KATNAL1: variants seen among roughly 807,000 people sequenced by gnomAD.
KATNAL1 encodes katanin p60 ATPase-containing subunit A-like 1.
A neutral mutation model predicts 55.2 loss-of-function variants in KATNAL1; 32 were observed. The ratio of observed to expected loss-of-function variants is 0.58; its 90% CI spans 0.44 to 0.78. The LOEUF is 0.78. Ranked by LOEUF, KATNAL1 falls within the 30% of genes least tolerant of loss-of-function variation. KATNAL1 has a pLI of 0.00. For synonymous variants in KATNAL1, 193 were observed against 193.6 expected (o/e 1.00, Z 0.02); for missense variants, 466 against 600.9 (o/e 0.78, Z 2.35).
chr13:30,242,187 A>G (rs7331974), intron 4 of KATNAL1, among the ~76,000 whole-genome samples: 1,540 of 152,314 alleles, frequency 0.01, 24 homozygotes, highest in African/African-American at 0.034. Context: ...CGTATCAACG[A>G]AAGAATACAA....
At chr13:30,279,942 A>G in intron 3 of KATNAL1, 121 bp downstream of exon 3, 1 of 809,196 alleles carries the variant, frequency 1.2e-6, no homozygotes. Context: ...TGTGAATATT[A>G]AAAACAGATA....
chr13:30,219,575 C>T (rs1874643330), intron 9 of KATNAL1, among the ~76,000 whole-genome samples: 2 of 152,166 alleles, frequency 1.3e-5, no homozygotes, highest in Non-Finnish European at 2.9e-5. Flanking sequence ...TTTATATTCC[C>T]ACAGTTCCTA....
At chr13:30,252,882 G>A (rs1025631509) in intron 4 of KATNAL1, among the ~76,000 whole-genome samples, 1 of 152,106 alleles carries the variant, frequency 6.6e-6, no homozygotes, top group Non-Finnish European at 1.5e-5. Flanking sequence ...AAGTAGCTGG[G>A]ATTACAGGCA....
chr13:30,226,756 A>T (rs181154776), intron 9 of KATNAL1, among the ~76,000 whole-genome samples: 2 of 152,336 alleles, frequency 1.3e-5, no homozygotes, highest in East Asian at 3.9e-4. Context: ...ATTCATGGAT[A>T]TTTCAGCATT....
At chr13:30,227,030 C>A (rs1283345493) in intron 9 of KATNAL1, among the ~76,000 whole-genome samples, 1 of 152,116 alleles carries the variant, frequency 6.6e-6, no homozygotes, top group Non-Finnish European at 1.5e-5. Flanking sequence ...GACCTGAGAT[C>A]ATGCCTCTGC....
intron 4 of KATNAL1, among the ~76,000 whole-genome samples, chr13:30,250,990 T>C (rs983715903): frequency 1.3e-5 from 2 of 151,878 alleles, no homozygotes; most frequent in African/African-American, 2.4e-5. Flanking sequence ...TACAAAAAAA[T>C]AGCTGGGCGT....
intron 3 of KATNAL1, among the ~76,000 whole-genome samples, chr13:30,277,931 C>G (rs375765449): frequency 1.5e-5 from 2 of 129,208 alleles, no homozygotes; most frequent in Non-Finnish European, 1.6e-5. Flanking sequence ...TGCAGTGAGC[C>G]GAGATTGCGC....
rs535475467 is a variant in KATNAL1, at chr13:30,300,372, A to G, written c.-15+6959T>C. 7.2e-5 allele frequency among the ~76,000 whole-genome samples: 11 copies of G among 152,348 alleles called. No homozygotes were observed. The East Asian group carries it at 2.1e-3, about 29-fold the overall frequency. On this transcript the variant is annotated intron_variant, in intron 1 of 10. Coordinates refer to ENST00000380615, the MANE Select transcript of KATNAL1 (RefSeq NM_032116.5). ...ATTCCTGAAAGTAGATGCCTATTTCAGAAACACCTAAGTAACCTGAACTAT... is the reference window on the plus strand; with the variant it reads ...ATTCCTGAAAGTAGATGCCTATTTCGGAAACACCTAAGTAACCTGAACTAT...
At chr13:30,273,325 T>C (rs1053243247) in intron 3 of KATNAL1, among the ~76,000 whole-genome samples, 1 of 152,180 alleles carries the variant, frequency 6.6e-6, no homozygotes, top group African/African-American at 2.4e-5. Flanking sequence ...TTCTCTACCA[T>C]TTCACCAAAA....
At chr13:30,221,850 A>C (rs960526242) in intron 9 of KATNAL1, among the ~76,000 whole-genome samples, 1 of 152,166 alleles carries the variant, frequency 6.6e-6, no homozygotes, top group African/African-American at 2.4e-5. Flanking sequence ...TCAGCAGTTC[A>C]AGACCAGCCT....
Position 30,202,939 on chromosome 13 carries a change from CA to C in KATNAL1, c.*5600del, listed in dbSNP as rs1179309153. The C allele has an allele frequency of 6.6e-6, 1 of 152,112 alleles. No individual in the cohort carries two copies. The highest frequency in any genetic ancestry group is 1.5e-5 in the Non-Finnish European group (1 of 68,036). The allele number at this position is 152,112 out of a possible 1,614,324, so 9.4% of individuals were successfully genotyped here. On this transcript the variant is annotated 3_prime_UTR_variant, in exon 11 of 11. Coordinates refer to ENST00000380615, the MANE Select transcript of KATNAL1 (RefSeq NM_032116.5). Reference sequence around the variant, plus strand: ...TACCATCATATGAATATACATTTGTCAGTAAAAATGTGACAAAAATGTGATG... The same window carrying C: ...TACCATCATATGAATATACATTTGTCGTAAAAATGTGACAAAAATGTGATG...
chr13:30,303,594 T>C (rs1882996488), intron 1 of KATNAL1, among the ~76,000 whole-genome samples: 1 of 152,160 alleles, frequency 6.6e-6, no homozygotes, highest in Non-Finnish European at 1.5e-5. Context: ...GAAATACTCT[T>C]GAGCACATTA....
At chr13:30,237,301 G>A (rs991479135) in intron 6 of KATNAL1, among the ~76,000 whole-genome samples, 1 of 152,232 alleles carries the variant, frequency 6.6e-6, no homozygotes. Flanking sequence ...GAATCTGTCA[G>A]GAATCACATA....
intron 9 of KATNAL1, among the ~76,000 whole-genome samples, chr13:30,224,529 G>A (rs1164216680): frequency 2.0e-5 from 3 of 148,606 alleles, no homozygotes; most frequent in African/African-American, 7.4e-5. Flanking sequence ...GCAAGACTCT[G>A]TCTCTTAAAA....
chr13:30,225,215 TAG>T (rs1875331941), intron 9 of KATNAL1, among the ~76,000 whole-genome samples: 1 of 152,100 alleles, frequency 6.6e-6, no homozygotes, highest in South Asian at 2.1e-4. Context: ...CCCCCACAGG[TAG>T]AGTTTGTCCT....
At chr13:30,260,514 G>C (rs1302650617) in intron 3 of KATNAL1, among the ~76,000 whole-genome samples, 1 of 152,156 alleles carries the variant, frequency 6.6e-6, no homozygotes, top group Non-Finnish European at 1.5e-5. Context: ...CCAACACAGA[G>C]AAGTGCTTAA....
At chr13:30,229,352 C>T (rs1875846513) in intron 8 of KATNAL1, among the ~76,000 whole-genome samples, 1 of 152,114 alleles carries the variant, frequency 6.6e-6, no homozygotes, top group African/African-American at 2.4e-5. Flanking sequence ...TTATACTCAT[C>T]TGATCAGTTG....
At chr13:30,219,106 TTTTCAAATAAAAATTCTTATTCACAG>T (rs1330935586) in intron 9 of KATNAL1, among the ~76,000 whole-genome samples, 2 of 152,214 alleles carry the variant, frequency 1.3e-5, no homozygotes, top group African/African-American at 2.4e-5. Context: ...ATCTTTGCCT[TTTTCAAATAAAAATTCTTATTCACAG>T]TTGGTTTTGT....
At chr13:30,295,065 AAG>A (rs1455419438) in intron 1 of KATNAL1, among the ~76,000 whole-genome samples, 2 of 152,246 alleles carry the variant, frequency 1.3e-5, no homozygotes, top group Non-Finnish European at 2.9e-5. Context: ...TAGATGTACA[AAG>A]AGATAAATGC....
Sources: allele counts gnomAD v4.1 joint callset (sites outside exome capture counted in the v4.1 genomes callset), GRCh38; gene constraint gnomAD v4.1.1; transcripts MANE v1.5; gene names NCBI Gene and HGNC (gene_info 2026-07-23, HGNC 2026-07-21).